The following SLC35D1 variants were observed in gnomAD, a reference collection of about 807,000 sequenced individuals.
SLC35D1 encodes the protein nucleotide sugar transporter SLC35D1.
A neutral mutation model predicts 46.7 loss-of-function variants in SLC35D1; 31 were observed. That is an observed-to-expected ratio of 0.66 (90% CI 0.50 to 0.90). The LOEUF is 0.90. Among genes scored for constraint, SLC35D1 ranks in the 40% least tolerant of loss-of-function variants. The pLI, the probability that SLC35D1 is intolerant of heterozygous loss-of-function variation, is 0.00. For missense variants in SLC35D1, 397 were observed against 426.2 expected (o/e 0.93, Z 0.60); for synonymous variants, 195 against 164.6 (o/e 1.18, Z -1.41).
chr1:66,977,539 C>A, the SLC35D1 span, among the ~76,000 whole-genome samples: 1 of 152,186 alleles, frequency 6.6e-6, no homozygotes, highest in African/African-American at 2.4e-5. Context: ...CCCATTGACA[C>A]AGATATGGGT....
At chr1:67,012,079 G>A (rs188815534) in intron 10 of SLC35D1, among the ~76,000 whole-genome samples, 4 of 152,242 alleles carry the variant, frequency 2.6e-5, no homozygotes, top group Non-Finnish European at 5.9e-5. Context: ...GTCACGTCAG[G>A]TGGCCAGTCT....
chr1:66,990,949 A>T, the SLC35D1 span, among the ~76,000 whole-genome samples: 1 of 152,114 alleles, frequency 6.6e-6, no homozygotes, highest in Admixed American at 6.5e-5. Flanking sequence ...CTCACTGAAC[A>T]TATTAGCATA....
At chr1:67,030,193 G>A (rs899563177) in intron 8 of SLC35D1, among the ~76,000 whole-genome samples, 4 of 152,170 alleles carry the variant, frequency 2.6e-5, no homozygotes, top group African/African-American at 9.7e-5. Context: ...CTGAGCTTCT[G>A]TAAAGGAGAA....
At chr1:67,050,628 T>TGTATGGA in intron 4 of SLC35D1, 124 bp from the exon 5 acceptor site, 1 of 829,212 alleles carries the variant, frequency 1.2e-6, no homozygotes, top group Non-Finnish European at 2.0e-6. Flanking sequence ...CAAATTAATT[T>TGTATGGA]ATGGTTAAAC....
the SLC35D1 span, chr1:66,986,556 C>A: frequency 9.6e-7 from 1 of 1,044,198 alleles, no homozygotes; most frequent in Non-Finnish European, 1.5e-6. Context: ...GCATTCAGGC[C>A]TTACCCCCAT....
At position 67,003,034 on chromosome 1, in the gene SLC35D1, T is replaced by C. The variant is rs1005271490; in HGVS notation, c.*1306A>G. On this transcript the variant is annotated 3_prime_UTR_variant, in exon 12 of 12. Coordinates refer to ENST00000235345, the MANE Select transcript of SLC35D1 (RefSeq NM_015139.3). ...TTTTGAGAGAAGTTGGCAAGCTCAG[T>C]AGGTGAGCCAAGGGGCACATGATGT... 10 of 152,300 alleles carry C rather than the reference T, an allele frequency of 6.6e-5. No homozygotes were observed. Among genetic ancestry groups the C allele is most frequent in the Non-Finnish European group, 1.0e-4 (7 of 68,032 alleles). 9.4% of individuals were successfully genotyped at this position (152,300 alleles called of 1,614,324 possible).
downstream of SLC35D1, among the ~76,000 whole-genome samples, chr1:66,998,480 T>C (rs1351683376): frequency 1.3e-5 from 2 of 151,580 alleles, no homozygotes; most frequent in Non-Finnish European, 2.9e-5. Context: ...GCAACAAGAG[T>C]GAAACTCCGT....
At chr1:67,021,009 C>T (rs1007123740) in intron 9 of SLC35D1, among the ~76,000 whole-genome samples, 2 of 152,240 alleles carry the variant, frequency 1.3e-5, no homozygotes, top group South Asian at 4.1e-4. Context: ...TCACTGTGTG[C>T]CAGATCCAGT....
Position 67,001,513 on chromosome 1 carries a change from T to C in SLC35D1, c.*2827A>G, listed in dbSNP as rs922294956. 6.6e-6 allele frequency: 1 copy of C among 152,284 alleles called. No homozygotes were observed. The highest frequency in any genetic ancestry group is 2.4e-5 in the African/African-American group (1 of 41,428). The allele number at this position is 152,284 out of a possible 1,614,324, so 9.4% of individuals were successfully genotyped here. A position where few individuals can be genotyped will look rare whatever the true frequency, so the allele number is the denominator to read the frequency against. ...CTCACTTACATTGAACAGGAGACAC[T>C]AGTCATAGAATTTGTCTTTTGGAAT... On this transcript the variant is annotated 3_prime_UTR_variant, in exon 12 of 12. Transcript: ENST00000235345.
At chr1:67,022,310 C>G (rs1667823425) in intron 8 of SLC35D1, among the ~76,000 whole-genome samples, 1 of 152,212 alleles carries the variant, frequency 6.6e-6, no homozygotes, top group Non-Finnish European at 1.5e-5. Flanking sequence ...TCTCTGCTAA[C>G]CTGTCCAGCT....
rs1474340560 is a variant in SLC35D1 at position 67,021,553 on chromosome 1, G to A, written c.779C>T (p.Thr260Ile). 6.2e-7 allele frequency: 1 copy of A among 1,614,012 alleles called. No individual in the cohort carries two copies. Among genetic ancestry groups the A allele is most frequent in the Non-Finnish European group, 8.5e-7 (1 of 1,179,920 alleles). Residue 260 changes from threonine (T) to isoleucine (I), a missense_variant, in exon 9 of 12, where the codon ACC becomes ATC. Thr to Ile is a moderately conservative substitution (Grantham distance 89, BLOSUM62 -1). Transcript: ENST00000235345. ...WADTLFLLQFTLSCVMGFILM... is the reference protein window; with the variant it reads ...WADTLFLLQFILSCVMGFILM... ...GGCTTACCCCATCACACAGGAGAGG[G>A]TGAACTGCAGAAGAAAGAGGGTGTC... is the stretch of plus-strand genomic sequence containing the variant.
intron 8 of SLC35D1, among the ~76,000 whole-genome samples, chr1:67,036,583 A>G (rs1007049262): frequency 2.6e-5 from 4 of 152,054 alleles, no homozygotes; most frequent in African/African-American, 7.2e-5. Context: ...GTCTGACGTA[A>G]GTATAGCTAC....
chr1:67,031,631 C>A (rs1668020183), intron 8 of SLC35D1, among the ~76,000 whole-genome samples: 1 of 151,980 alleles, frequency 6.6e-6, no homozygotes, highest in Non-Finnish European at 1.5e-5. Flanking sequence ...ATCAGTGAGT[C>A]AAATAGCAGG....
chr1:67,049,225 C>A (rs893648032), intron 6 of SLC35D1, among the ~76,000 whole-genome samples: 20 of 151,190 alleles, frequency 1.3e-4, no homozygotes, highest in African/African-American at 4.9e-4. Context: ...ACCTGGGAGG[C>A]GGAGCTTGCA....
intron 7 of SLC35D1, among the ~76,000 whole-genome samples, chr1:67,043,134 C>T (rs1645212535): frequency 6.6e-6 from 1 of 151,156 alleles, no homozygotes; most frequent in South Asian, 2.1e-4. Context: ...GGTGGAGATG[C>T]AGTGAGCCAA....
the SLC35D1 span, among the ~76,000 whole-genome samples, chr1:66,980,537 T>C: frequency 6.6e-6 from 1 of 152,194 alleles, no homozygotes; most frequent in African/African-American, 2.4e-5. Flanking sequence ...AATAGCATAT[T>C]ATAGACTATT....
chr1:67,041,044 T>C (rs1299365034), intron 8 of SLC35D1, among the ~76,000 whole-genome samples: 1 of 152,206 alleles, frequency 6.6e-6, no homozygotes, highest in Non-Finnish European at 1.5e-5. Flanking sequence ...TCTGAACCTC[T>C]CCTTCCACAT....
chr1:66,992,118 C>T, the SLC35D1 span, among the ~76,000 whole-genome samples: 1 of 152,196 alleles, frequency 6.6e-6, no homozygotes, highest in African/African-American at 2.4e-5. Context: ...CATTCTCGAA[C>T]AAACCTATGG....
At chr1:67,052,261 C>T (rs1645317431) in intron 3 of SLC35D1, among the ~76,000 whole-genome samples, 182 bp from the exon 4 acceptor site, 2 of 151,956 alleles carry the variant, frequency 1.3e-5, no homozygotes, top group Non-Finnish European at 1.5e-5. Flanking sequence ...GGATAAACAA[C>T]ATTACTATAG....
Sources: gnomAD v4.1 joint callset for allele counts (sites outside exome capture counted in the v4.1 genomes callset) on GRCh38, gnomAD v4.1.1 for gene constraint, MANE v1.5 for transcripts, NCBI Gene and HGNC (gene_info 2026-07-23, HGNC 2026-07-21) for gene names.